The following TNFSF4 variants were observed in gnomAD, a reference collection of about 807,000 sequenced individuals.
The protein encoded by TNFSF4 is TNF superfamily member 4.
In TNFSF4, 4 loss-of-function variants were observed where a neutral mutation model predicts 7.3. The observed-to-expected ratio is 0.55, with a 90% confidence interval of 0.27 to 1.25. The LOEUF (loss-of-function observed/expected upper bound fraction) is 1.25, where lower values mean the gene tolerates loss of function less well. TNFSF4 is among the 50% of genes most tolerant of loss of function. TNFSF4 has a pLI of 0.12. For missense variants in TNFSF4, 181 were observed against 208.8 expected (o/e 0.87, Z 0.82); for synonymous variants, 76 against 83.7 (o/e 0.91, Z 0.50).
At chr1:173,269,975 C>T in the TNFSF4 span, among the ~76,000 whole-genome samples, 12 of 152,044 alleles carry the variant, frequency 7.9e-5, no homozygotes, top group African/African-American at 2.9e-4. Flanking sequence ...ATGCCTCCAG[C>T]CTGGAAGGTT....
At chr1:173,380,535 A>T in the TNFSF4 span, among the ~76,000 whole-genome samples, 1 of 152,040 alleles carries the variant, frequency 6.6e-6, no homozygotes, top group African/African-American at 2.4e-5. Flanking sequence ...AAAAATCATC[A>T]TCTCCTCCCT....
the TNFSF4 span, among the ~76,000 whole-genome samples, chr1:173,239,055 A>G: frequency 1.3e-5 from 2 of 152,162 alleles, no homozygotes; most frequent in Non-Finnish European, 2.9e-5. Flanking sequence ...GTTGATGGTG[A>G]TTGCTACCTC....
chr1:173,180,089 A>G (rs1489198332), downstream of TNFSF4, among the ~76,000 whole-genome samples: 3 of 152,110 alleles, frequency 2.0e-5, no homozygotes, highest in South Asian at 2.1e-4. Flanking sequence ...ATACGTGTTC[A>G]CTGTTTCTTA....
At position 173,186,685 on chromosome 1, in the gene TNFSF4, T is replaced by C; in HGVS notation, c.383A>G (p.Gln128Arg). 6.2e-7 allele frequency: 1 copy of C among 1,614,190 alleles called. No homozygotes were observed. Among genetic ancestry groups the C allele is most frequent in the Non-Finnish European group, 8.5e-7 (1 of 1,180,022 alleles). ...HYQKDEEPLF[Q>R]LKKVRSVNSL... is the part of the protein sequence containing the mutation. ...GTTGACAGACCTGACCTTCTTCAGT[T>C]GGAAGAGGGGCTCCTCATCCTTCTG... Residue 128 changes from glutamine to arginine, a missense_variant, in exon 3 of 3, where the codon CAA (glutamine) becomes CGA (arginine). Gln to Arg is a conservative substitution (Grantham distance 43). Coordinates refer to ENST00000281834, the MANE Select transcript of TNFSF4 (RefSeq NM_003326.5).
the TNFSF4 span, among the ~76,000 whole-genome samples, chr1:173,333,383 G>T: frequency 6.6e-6 from 1 of 152,084 alleles, no homozygotes; most frequent in Non-Finnish European, 1.5e-5. Flanking sequence ...CCTACCTGCT[G>T]CCTTCACGTT....
the TNFSF4 span, among the ~76,000 whole-genome samples, chr1:173,432,674 T>C: frequency 6.6e-6 from 1 of 151,802 alleles, no homozygotes; most frequent in Non-Finnish European, 1.5e-5. Flanking sequence ...CAAGAGGTTA[T>C]GGCAACACTG....
At chr1:173,347,870 T>C in the TNFSF4 span, among the ~76,000 whole-genome samples, 1 of 152,208 alleles carries the variant, frequency 6.6e-6, no homozygotes, top group Admixed American at 6.5e-5. Context: ...TAGCCTCTAC[T>C]CACTAGACGC....
chr1:173,173,873 C>T, the TNFSF4 span, among the ~76,000 whole-genome samples: 32 of 152,264 alleles, frequency 2.1e-4, no homozygotes, highest in East Asian at 2.1e-3. Context: ...CGAAGGTCTC[C>T]GACATGCCCT....
At chr1:173,220,073 A>AT in the TNFSF4 span, among the ~76,000 whole-genome samples, 2 of 152,168 alleles carry the variant, frequency 1.3e-5, no homozygotes, top group African/African-American at 4.8e-5. Context: ...AAGACTAAAA[A>AT]AAAAATCTAT....
the TNFSF4 span, among the ~76,000 whole-genome samples, chr1:173,409,877 G>C: frequency 6.6e-6 from 1 of 152,216 alleles, no homozygotes; most frequent in Non-Finnish European, 1.5e-5. Flanking sequence ...GTGCACGGGT[G>C]TAAGTCCTTT....
chr1:173,350,417 G>A, the TNFSF4 span, among the ~76,000 whole-genome samples: 1 of 152,112 alleles, frequency 6.6e-6, no homozygotes. Flanking sequence ...TAAGTCCCCT[G>A]GCTCTACCTG....
At chr1:173,255,419 C>T in the TNFSF4 span, among the ~76,000 whole-genome samples, 3 of 152,176 alleles carry the variant, frequency 2.0e-5, no homozygotes, top group Admixed American at 2.0e-4. Context: ...GCTCCTTCTC[C>T]CCATCTCCTT....
chr1:173,183,897 A>T lies in TNFSF4; in HGVS notation c.*2619T>A, dbSNP rs1339780975. On this transcript the variant is annotated 3_prime_UTR_variant, in exon 3 of 3. Coordinates refer to ENST00000281834, the MANE Select transcript of TNFSF4 (RefSeq NM_003326.5). ...CCAGTATACTTAAGAACAAATTATG[A>T]TTTGGATCGGGATTGGAATCCCTTA... The T allele has an allele frequency of 6.6e-6, 1 of 152,236 alleles. No homozygotes were observed. Among genetic ancestry groups the T allele is most frequent in the Non-Finnish European group, 1.5e-5 (1 of 68,038 alleles). 9.4% of individuals were successfully genotyped at this position (152,236 alleles called of 1,614,324 possible).
the TNFSF4 span, among the ~76,000 whole-genome samples, chr1:173,374,544 G>A: frequency 1.3e-5 from 2 of 152,166 alleles, no homozygotes; most frequent in African/African-American, 2.4e-5. Flanking sequence ...TGAACCATTG[G>A]AGGACTTGTG....
At chr1:173,234,190 T>G in the TNFSF4 span, among the ~76,000 whole-genome samples, 3 of 152,070 alleles carry the variant, frequency 2.0e-5, no homozygotes, top group South Asian at 6.2e-4. Flanking sequence ...AACAGGCACA[T>G]GAAAAAATGC....
chr1:173,315,523 T>C, the TNFSF4 span, among the ~76,000 whole-genome samples: 4 of 152,106 alleles, frequency 2.6e-5, no homozygotes, highest in Non-Finnish European at 4.4e-5. Flanking sequence ...AGAAAACCCA[T>C]GAAATCATAC....
chr1:173,406,665 C>T, the TNFSF4 span, among the ~76,000 whole-genome samples: 3 of 152,188 alleles, frequency 2.0e-5, no homozygotes, highest in Admixed American at 2.0e-4. Flanking sequence ...AAAACATTGT[C>T]GTGGACCCTA....
the TNFSF4 span, among the ~76,000 whole-genome samples, chr1:173,322,652 G>T: frequency 1.3e-5 from 2 of 152,066 alleles, no homozygotes; most frequent in Non-Finnish European, 2.9e-5. Flanking sequence ...GAAAGGGGTG[G>T]CAGACGGCAC....
the TNFSF4 span, among the ~76,000 whole-genome samples, chr1:173,434,393 A>C: frequency 3.3e-5 from 5 of 152,198 alleles, no homozygotes; most frequent in Non-Finnish European, 7.3e-5. Flanking sequence ...CACTTAGGAG[A>C]CCTGGCAGAA....
Sources: gnomAD v4.1 joint callset for allele counts (sites outside exome capture counted in the v4.1 genomes callset) on GRCh38, gnomAD v4.1.1 for gene constraint, MANE v1.5 for transcripts, NCBI Gene and HGNC (gene_info 2026-07-23, HGNC 2026-07-21) for gene names.